GRID2: variants seen among roughly 807,000 people sequenced by gnomAD.
GRID2 encodes the protein glutamate receptor ionotropic, delta-2.
In GRID2, 33 loss-of-function variants were observed where a neutral mutation model predicts 114.8. That is an observed-to-expected ratio of 0.29 (90% confidence interval 0.22 to 0.38). The LOEUF (loss-of-function observed/expected upper bound fraction) is 0.38. GRID2 is among the 10% of genes least tolerant of loss of function. The pLI, the probability that GRID2 is intolerant of heterozygous loss-of-function variation, is 1.00. For missense variants in GRID2, 1,184 were observed against 1,257.7 expected (o/e 0.94, Z 0.89); for synonymous variants, 505 against 449.9 (o/e 1.12, Z -1.55).
At chr4:92,346,786 A>C (rs1579215398) in intron 1 of GRID2, among the ~76,000 whole-genome samples, 2 of 152,332 alleles carry the variant, frequency 1.3e-5, no homozygotes, top group East Asian at 1.9e-4. Flanking sequence ...TCAGAATATA[A>C]AAATTTCATA....
chr4:92,460,032 C>CTATATATG (rs1553937274), intron 1 of GRID2, among the ~76,000 whole-genome samples: 1 of 48,442 alleles, frequency 2.1e-5, no homozygotes, highest in Admixed American at 2.7e-4. Flanking sequence ...ATAAATCTCA[C>CTATATATG]TATATATATA....
At chr4:92,907,827 C>T (rs1184551887) in intron 2 of GRID2, among the ~76,000 whole-genome samples, 4 of 151,984 alleles carry the variant, frequency 2.6e-5, no homozygotes, top group South Asian at 2.1e-4. Flanking sequence ...AGTTCGAGAC[C>T]AGCCTGACCA....
At chr4:92,689,422 A>T (rs1410715904) in intron 2 of GRID2, among the ~76,000 whole-genome samples, 2 of 152,110 alleles carry the variant, frequency 1.3e-5, no homozygotes, top group African/African-American at 4.8e-5. Flanking sequence ...AGCTCTTCTA[A>T]ATCAGGGGTC....
intron 8 of GRID2, among the ~76,000 whole-genome samples, chr4:93,391,181 A>G (rs1379789838): frequency 6.6e-6 from 1 of 152,208 alleles, no homozygotes; most frequent in Non-Finnish European, 1.5e-5. Flanking sequence ...TGGAAATACC[A>G]TAAAGAAAAT....
chr4:93,200,591 A>AAAC (rs1208677274), intron 4 of GRID2, among the ~76,000 whole-genome samples: 25 of 151,876 alleles, frequency 1.6e-4, no homozygotes, highest in East Asian at 1.6e-3. Context: ...ACAAACAAAC[A>AAAC]AAAAAACATT....
At chr4:93,107,805 C>T (rs933611952) in intron 3 of GRID2, among the ~76,000 whole-genome samples, 6 of 152,146 alleles carry the variant, frequency 3.9e-5, no homozygotes, top group Admixed American at 1.3e-4. Flanking sequence ...CAATTTAAAA[C>T]ATGCAATCAA....
At chr4:92,564,780 A>G (rs957472287) in intron 1 of GRID2, among the ~76,000 whole-genome samples, 2 of 152,064 alleles carry the variant, frequency 1.3e-5, no homozygotes, top group African/African-American at 4.8e-5. Flanking sequence ...GAAATTAAAA[A>G]TAATAAAGCC....
At chr4:93,011,144 T>A (rs1722092343) in intron 2 of GRID2, among the ~76,000 whole-genome samples, 1 of 151,904 alleles carries the variant, frequency 6.6e-6, no homozygotes, top group Non-Finnish European at 1.5e-5. Context: ...TCTTTTTTGT[T>A]GTTGTTTCTT....
rs1406851390 is a variant in GRID2, at chr4:93,111,671, C to A, written c.735+718C>A. 2.0e-5 allele frequency among the ~76,000 whole-genome samples: 3 copies of A among 151,372 alleles called. No individual in the cohort carries two copies. The East Asian group carries it at 5.8e-4, about 29-fold the overall frequency. ...TTTTTAATGTTACATAGTGATAGAACTGTTCATGACTTTACAAACTTTCAC... is the reference window on the plus strand; with the variant it reads ...TTTTTAATGTTACATAGTGATAGAAATGTTCATGACTTTACAAACTTTCAC... On this transcript the variant is annotated intron_variant, in intron 4 of 15. Coordinates refer to ENST00000282020, the MANE Select transcript of GRID2 (RefSeq NM_001510.4).
At position 93,364,935 on chromosome 4, in the gene GRID2, A is replaced by G. The variant is rs114373977; in HGVS notation, c.1246-30672A>G. On this transcript the variant is annotated intron_variant, in intron 8 of 15. Transcript: ENST00000282020. ...TCATTAGTCCTGATATATCATTTGC[A>G]TTCTTTACTACTCCCAACTGTTATT... 5.5e-3 allele frequency among the ~76,000 whole-genome samples: 841 copies of G among 152,264 alleles called. 8 individuals carry two copies. The highest frequency in any genetic ancestry group is 0.019 in the African/African-American group (799 of 41,566).
At chr4:93,783,616 G>C (rs1180656949) in intron 1 of GRID2, among the ~76,000 whole-genome samples, 1 of 152,188 alleles carries the variant, frequency 6.6e-6, no homozygotes, top group Non-Finnish European at 1.5e-5. Context: ...AACAGATTCA[G>C]AGAAATACTC....
rs139689521 is a variant in GRID2, at chr4:93,057,162, CTGTG to C, written c.245-27811_245-27808del. Among the ~76,000 whole-genome samples the C allele has an allele frequency of 3.1e-4, 46 of 147,910 alleles. No individual in the cohort carries two copies. The East Asian group carries it at 4.8e-3, about 15-fold the overall frequency. ...GAAGTGTGTGAGTGTGTATGTGTGT[CTGTG>C]TGTGTGTGTGTGTGTGTGTGTTAGA... On this transcript the variant is annotated intron_variant, in intron 2 of 15. Transcript: ENST00000282020.
rs143254153 is a variant in GRID2 at position 93,303,841 on chromosome 4, A to G, written c.1245+65351A>G. Reference sequence around the variant, plus strand: ...ATGAGTTTCTTCTCTTCTTAGCTTTATCAAACAACACTCAAGCTATGACAA... The same window carrying G: ...ATGAGTTTCTTCTCTTCTTAGCTTTGTCAAACAACACTCAAGCTATGACAA... On this transcript the variant is annotated intron_variant, in intron 8 of 15. Transcript: ENST00000282020. 2.1e-3 allele frequency among the ~76,000 whole-genome samples: 326 copies of G among 152,272 alleles called. 1 individual carries two copies. Among genetic ancestry groups the G allele is most frequent in the Non-Finnish European group, 3.7e-3 (253 of 68,018 alleles).
chr4:93,173,633 A>ATTGT lies in GRID2; in HGVS notation c.736-33760_736-33757dup, dbSNP rs200002281. Among the ~76,000 whole-genome samples, 1,135 of 152,122 alleles carry ATTGT rather than the reference A, an allele frequency of 7.5e-3. 20 individuals are homozygous for ATTGT. Among genetic ancestry groups the ATTGT allele is most frequent in the African/African-American group, 0.026 (1,080 of 41,508 alleles). ...ACATAAAATTGTCCTTGTTAGTTCTATTGTTTGTTTGTTTTTTGAGACGTC... is the reference window on the plus strand; with the variant it reads ...ACATAAAATTGTCCTTGTTAGTTCTATTGTTTGTTTGTTTGTTTTTTGAGACGTC... On this transcript the variant is annotated intron_variant, in intron 4 of 15. Coordinates refer to ENST00000282020, the MANE Select transcript of GRID2 (RefSeq NM_001510.4).
chr4:92,440,941 G>A (rs1173887597), intron 1 of GRID2, among the ~76,000 whole-genome samples: 1 of 152,020 alleles, frequency 6.6e-6, no homozygotes, highest in African/African-American at 2.4e-5. Flanking sequence ...TATGAATCAG[G>A]TATGAGGAAG....
At chr4:93,723,317 GAATA>G (rs1027836496) in intron 14 of GRID2, among the ~76,000 whole-genome samples, 1 of 152,146 alleles carries the variant, frequency 6.6e-6, no homozygotes, top group African/African-American at 2.4e-5. Flanking sequence ...AGAAATAAAT[GAATA>G]AATTACATAT....
intron 8 of GRID2, among the ~76,000 whole-genome samples, chr4:93,353,154 A>G (rs765342064): frequency 1.3e-5 from 2 of 152,052 alleles, no homozygotes; most frequent in Non-Finnish European, 1.5e-5. Flanking sequence ...GAGGTAACAC[A>G]TAGTAGTGAG....
rs531745192 is a variant in GRID2, at chr4:92,593,597, A to G, written c.244+3311A>G. Among the ~76,000 whole-genome samples the G allele has an allele frequency of 7.9e-5, 12 of 152,018 alleles. No homozygotes were observed. In the South Asian group the frequency reaches 2.5e-3, roughly 31 times the overall value. ...TACACATTCCATTCTCTGGAGATCAATGACTGTATCTGTTAATTTTGTCAG... is the reference window on the plus strand; with the variant it reads ...TACACATTCCATTCTCTGGAGATCAGTGACTGTATCTGTTAATTTTGTCAG... On this transcript the variant is annotated intron_variant, in intron 2 of 15. Coordinates refer to ENST00000282020, the MANE Select transcript of GRID2 (RefSeq NM_001510.4).
chr4:93,721,686 C>T (rs1484171735), intron 14 of GRID2, among the ~76,000 whole-genome samples: 1 of 152,026 alleles, frequency 6.6e-6, no homozygotes, highest in Admixed American at 6.6e-5. Context: ...CATAAAAATG[C>T]AATAAAAGTT....
Sources: allele counts gnomAD v4.1 joint callset (sites outside exome capture counted in the v4.1 genomes callset), GRCh38; gene constraint gnomAD v4.1.1; transcripts MANE v1.5; gene names NCBI Gene and HGNC (gene_info 2026-07-23, HGNC 2026-07-21).